Variants in RIPPLY1 observed in about 807,000 individuals in gnomAD.
RIPPLY1 encodes the protein ripply transcriptional repressor 1, also known as protein ripply1.
A neutral mutation model predicts 8.7 loss-of-function variants in RIPPLY1; 10 were observed. The ratio of observed to expected loss-of-function variants is 1.15; its 90% CI spans 0.71 to 1.94. RIPPLY1 has a LOEUF of 1.94. Ranked by LOEUF, RIPPLY1 falls within the 30% of genes most tolerant of loss-of-function variation. The pLI, the probability that RIPPLY1 is intolerant of heterozygous loss-of-function variation, is 0.00. For missense variants in RIPPLY1, 118 were observed against 108.7 expected, an observed-to-expected ratio of 1.09 and a Z score of -0.38; for synonymous variants, 54 against 44.8, an observed-to-expected ratio of 1.20 and a Z score of -0.82.
At position 106,900,136 on chromosome X, in the gene RIPPLY1, TG is replaced by T. The variant is rs1933066369; in HGVS notation, c.*612del. On this transcript the variant is annotated 3_prime_UTR_variant, in exon 4 of 4. Transcript: ENST00000276173. The stretch of plus-strand genomic sequence containing the variant: ...TCTCATGCCAACACACAGACTTCAA[TG>T]GACAGCAGGCAAAATGGGGAGGCAT... The T allele has an allele frequency of 8.9e-6, 1 of 112,557 alleles. No individual in the cohort carries two copies. Among genetic ancestry groups the T allele is most frequent in the Admixed American group, 9.3e-5 (1 of 10,716 alleles). 9.3% of individuals were successfully genotyped at this position (112,557 alleles called of 1,213,427 possible).
Position 106,902,134 on chromosome X carries a change from A to G in RIPPLY1, c.231+6T>C. On this transcript the variant is annotated splice_donor_region_variant and intron_variant, in intron 2 of 3. Transcript: ENST00000276173. Reference sequence around the variant, plus strand: ...GTGAACACACGTCACAAGGGCTCGAACTCACCAAATCCACCAGCTTCCTCA... The same window carrying G: ...GTGAACACACGTCACAAGGGCTCGAGCTCACCAAATCCACCAGCTTCCTCA... 1.7e-6 allele frequency: 2 copies of G among 1,191,673 alleles called. No individual in the cohort carries two copies. The highest frequency in any genetic ancestry group is 1.9e-5 in the South Asian group (1 of 53,995).
At position 106,901,555 on chromosome X, in the gene RIPPLY1, C is replaced by T; in HGVS notation, c.232-17G>A. Reference sequence around the variant, plus strand: ...ACCAGCAGCCTGTCCAAAGCAAAAGCTAGCATGTGGCTCAAAGTACATGGC... The same window carrying T: ...ACCAGCAGCCTGTCCAAAGCAAAAGTTAGCATGTGGCTCAAAGTACATGGC... On this transcript the variant is annotated splice_polypyrimidine_tract_variant and intron_variant, in intron 2 of 3. Coordinates refer to ENST00000276173, the MANE Select transcript of RIPPLY1 (RefSeq NM_138382.3). The T allele has an allele frequency of 8.3e-7, 1 of 1,208,358 alleles. No homozygotes were observed. Among genetic ancestry groups the T allele is most frequent in the African/African-American group, 1.7e-5 (1 of 57,712 alleles).
At chrX:106,901,401 C>T in intron 3 of RIPPLY1, 73 bp downstream of exon 3, 2 of 1,015,737 alleles carry the variant, frequency 2.0e-6, no homozygotes, top group Non-Finnish European at 2.8e-6. Context: ...TCTCCTGCTT[C>T]ACAAGACCTT....
intron 1 of RIPPLY1, among the ~76,000 whole-genome samples, chrX:106,902,567 G>A (rs759944453): frequency 9.0e-6 from 1 of 111,471 alleles, no homozygotes; most frequent in Admixed American, 9.5e-5. Flanking sequence ...TAATGAGTGG[G>A]GGCTAGATGG....
chrX:106,902,089 G>T, intron 2 of RIPPLY1, 51 bp downstream of exon 2: 1 of 1,056,320 alleles, frequency 9.5e-7, no homozygotes, highest in South Asian at 2.0e-5. Context: ...CCTGGTCACT[G>T]TTAATGCATG....
At position 106,903,238 on chromosome X, in the gene RIPPLY1, G is replaced by A; in HGVS notation, c.50C>T (p.Ala17Val). 8.3e-7 allele frequency: 1 copy of A among 1,210,280 alleles called. No individual in the cohort carries two copies. The highest frequency in any genetic ancestry group is 1.1e-6 in the Non-Finnish European group (1 of 894,458). Residue 17 changes from alanine to valine, a missense_variant, in exon 1 of 4, where the codon GCT becomes GTT. Ala to Val is a moderately conservative substitution (Grantham distance 64, BLOSUM62 0). Coordinates refer to ENST00000276173, the MANE Select transcript of RIPPLY1 (RefSeq NM_138382.3). The stretch of plus-strand genomic sequence containing the variant: ...TGCTAGGTCTGGAGCTAGGGCCAAA[G>A]CCAGGGCTGGAACAGGGGTGGCAGC... Reference protein sequence around the residue: ...AAAATPVPALALALAPDLAQA... With the variant: ...AAAATPVPALVLALAPDLAQA...
Position 106,900,675 on chromosome X carries a change from G to A in RIPPLY1, c.*74C>T, listed in dbSNP as rs1420289912. On this transcript the variant is annotated 3_prime_UTR_variant, in exon 4 of 4. Transcript: ENST00000276173. ...TGGATAGGTTAGGGGTGAGGAAGGG[G>A]GATGAGCTGTGGCGCTGTAGGGTAT... 6 of 1,134,043 alleles carry A rather than the reference G, an allele frequency of 5.3e-6. No individual in the cohort carries two copies. The highest frequency in any genetic ancestry group is 7.0e-6 in the Non-Finnish European group (6 of 856,491). The allele number at this position is 1,134,043 out of a possible 1,213,427, so 93.5% of individuals were successfully genotyped here. A position where few individuals can be genotyped will look rare whatever the true frequency, so the allele number is the denominator to read the frequency against.
At position 106,903,168 on chromosome X, in the gene RIPPLY1, A is replaced by T; in HGVS notation, c.120T>A (p.Leu40=). The T allele has an allele frequency of 8.3e-7, 1 of 1,211,301 alleles. No individual in the cohort carries two copies. The highest frequency in any genetic ancestry group is 1.1e-6 in the Non-Finnish European group (1 of 895,186). ...CATTTACTTCTTGTCCAGAGGAGAG[A>T]AGGCAAGATGGGCTTAACAGGCCAG... The part of the protein sequence containing the change: ...ALPGLLSPSC[L]LSSGQEVNGS... The change falls in exon 1 of 4, where the codon CTT becomes CTA. Residue 40 remains leucine, a synonymous_variant. Transcript: ENST00000276173.
intron 2 of RIPPLY1, 95 bp from the exon 3 acceptor site, chrX:106,901,633 C>T (rs1326500711): frequency 1.1e-6 from 1 of 892,091 alleles, no homozygotes; most frequent in Non-Finnish European, 1.6e-6. Context: ...GTAAAATGAT[C>T]TTGAAGAGAC....
At position 106,900,706 on chromosome X, in the gene RIPPLY1, C is replaced by T. The variant is rs946428246; in HGVS notation, c.*43G>A. On this transcript the variant is annotated 3_prime_UTR_variant, in exon 4 of 4. Coordinates refer to ENST00000276173, the MANE Select transcript of RIPPLY1 (RefSeq NM_138382.3). The stretch of plus-strand genomic sequence containing the variant: ...GCTGTGGCGCTGTAGGGTATGGACC[C>T]TGGTACCCTCACACACCCTTCTGGC... 1.7e-6 allele frequency: 2 copies of T among 1,174,299 alleles called. No homozygotes were observed. Among genetic ancestry groups the T allele is most frequent in the African/African-American group, 3.5e-5 (2 of 56,927 alleles).
chrX:106,900,534 G>T lies in RIPPLY1; in HGVS notation c.*215C>A. 1 of 573,349 alleles carries T rather than the reference G, an allele frequency of 1.7e-6. No individual in the cohort carries two copies. The highest frequency in any genetic ancestry group is 2.5e-6 in the Non-Finnish European group (1 of 396,265). 47.3% of individuals were successfully genotyped at this position (573,349 alleles called of 1,213,427 possible). On this transcript the variant is annotated 3_prime_UTR_variant, in exon 4 of 4. Transcript: ENST00000276173. ...GCCAGGGTGAGCTGGGCAGCTAGAT[G>T]ACCCAATTTTCAGTCCAGAAAGCTC... is the stretch of plus-strand genomic sequence containing the variant.
Position 106,901,624 on chromosome X carries a change from T to C in RIPPLY1, c.232-86A>G, listed in dbSNP as rs757516784. On this transcript the variant is annotated intron_variant, in intron 2 of 3. Transcript: ENST00000276173. ...GTACTAGAGGTCAGAAAGCTGCAGG[T>C]AAAATGATCTTGAAGAGACCTTAGA... is the stretch of plus-strand genomic sequence containing the variant. 13 of 975,132 alleles carry C rather than the reference T, an allele frequency of 1.3e-5. No homozygotes were observed. The South Asian group carries it at 2.8e-4, about 21-fold the overall frequency. The allele number at this position is 975,132 out of a possible 1,213,427, so 80.4% of individuals were successfully genotyped here.
At chrX:106,901,928 T>C (rs915508869) in intron 2 of RIPPLY1, among the ~76,000 whole-genome samples, 7 of 112,042 alleles carry the variant, frequency 6.2e-5, no homozygotes, top group Non-Finnish European at 1.3e-4. Flanking sequence ...CCAGATCCCT[T>C]GCCCACTCTG....
chrX:106,900,829 C>T lies in RIPPLY1; in HGVS notation c.376G>A (p.Ala126Thr), dbSNP rs1245694208. 10 of 1,211,513 alleles carry T rather than the reference C, an allele frequency of 8.3e-6. No homozygotes were observed. The highest frequency in any genetic ancestry group is 1.1e-5 in the Non-Finnish European group (10 of 895,392). Residue 126 changes from alanine (A) to threonine (T), a missense_variant, in exon 4 of 4, where the codon GCA (alanine) becomes ACA (threonine). Transcript: ENST00000276173. ...GAGTCCTCGTATAGGTTGATGGTTG[C>T]CTGGACAGGAAAGTTCTGCAGTAAA... ...EILLQNFPVQATINLYEDSDS... is the reference protein window; with the variant it reads ...EILLQNFPVQTTINLYEDSDS...
chrX:106,901,573 T>C (rs780021319), intron 2 of RIPPLY1, 35 bp from the exon 3 acceptor site: 50 of 1,184,558 alleles, frequency 4.2e-5, no homozygotes, highest in Non-Finnish European at 5.5e-5. Context: ...TGGCTCAAAG[T>C]ACATGGCTAG....
rs983614142 is a variant in RIPPLY1, at chrX:106,900,125, A to G, written c.*624T>C. ...CTCCTGATTCATCTCATGCCAACACACAGACTTCAATGGACAGCAGGCAAA... is the reference window on the plus strand; with the variant it reads ...CTCCTGATTCATCTCATGCCAACACGCAGACTTCAATGGACAGCAGGCAAA... On this transcript the variant is annotated 3_prime_UTR_variant, in exon 4 of 4. Coordinates refer to ENST00000276173, the MANE Select transcript of RIPPLY1 (RefSeq NM_138382.3). 3 of 112,529 alleles carry G rather than the reference A, an allele frequency of 2.7e-5. No homozygotes were observed. Among genetic ancestry groups the G allele is most frequent in the Non-Finnish European group, 5.6e-5 (3 of 53,324 alleles). 9.3% of individuals were successfully genotyped at this position (112,529 alleles called of 1,213,427 possible). A position where few individuals can be genotyped will look rare whatever the true frequency, so the allele number is the denominator to read the frequency against.
At chrX:106,901,619 G>T in intron 2 of RIPPLY1, 81 bp from the exon 3 acceptor site, 1 of 1,015,538 alleles carries the variant, frequency 9.8e-7, no homozygotes, top group Non-Finnish European at 1.4e-6. Context: ...TCAGAAAGCT[G>T]CAGGTAAAAT....
rs1177680754 is a variant in RIPPLY1 at position 106,900,705 on chromosome X, C to G, written c.*44G>C. 1.7e-6 allele frequency: 2 copies of G among 1,172,411 alleles called. No individual in the cohort carries two copies. Among genetic ancestry groups the G allele is most frequent in the Non-Finnish European group, 2.3e-6 (2 of 875,663 alleles). ...AGCTGTGGCGCTGTAGGGTATGGAC[C>G]CTGGTACCCTCACACACCCTTCTGG... On this transcript the variant is annotated 3_prime_UTR_variant, in exon 4 of 4. Transcript: ENST00000276173.
chrX:106,901,758 C>T (rs1933099268), intron 2 of RIPPLY1, among the ~76,000 whole-genome samples: 2 of 111,580 alleles, frequency 1.8e-5, no homozygotes. Flanking sequence ...TGCTTCCCTG[C>T]CTCTGTTCCA....
Sources: gnomAD v4.1 joint callset for allele counts (sites outside exome capture counted in the v4.1 genomes callset) on GRCh38, gnomAD v4.1.1 for gene constraint, MANE v1.5 for transcripts, NCBI Gene and HGNC (gene_info 2026-07-23, HGNC 2026-07-21) for gene names.